The following KDM3B variants were observed in gnomAD, a reference collection of about 807,000 sequenced individuals.
KDM3B encodes the protein lysine-specific demethylase 3B.
KDM3B carries 10 observed loss-of-function variants against 170.0 expected under a neutral mutation model. The observed-to-expected ratio is 0.06, with a 90% CI of 0.04 to 0.10. The LOEUF (loss-of-function observed/expected upper bound fraction) is 0.10, where lower values mean the gene tolerates loss of function less well. KDM3B is among the 10% of genes least tolerant of loss of function. KDM3B has a pLI of 1.00. For synonymous variants in KDM3B, 831 were observed against 834.8 expected (o/e 1.00, Z 0.08); for missense variants, 1,394 against 2,195.2 (o/e 0.64, Z 7.29).
chr5:138,388,060 G>A (rs979679131), intron 7 of KDM3B, among the ~76,000 whole-genome samples: 4 of 151,556 alleles, frequency 2.6e-5, no homozygotes, highest in Admixed American at 1.3e-4. Flanking sequence ...CAGCCTGGGC[G>A]ACAGAGCAAG....
At chr5:138,397,626 TCAGTAGTTCAAGACCAGCCTGGG>T (rs1376004061) in intron 9 of KDM3B, among the ~76,000 whole-genome samples, 10 of 152,148 alleles carry the variant, frequency 6.6e-5, no homozygotes, top group South Asian at 4.2e-4. Context: ...TCTCTTGAGG[TCAGTAGTTCAAGACCAGCCTGGG>T]CAGTAGTTCA....
Position 138,424,058 on chromosome 5 carries a change from G to A in KDM3B, c.3973-17G>A. The A allele has an allele frequency of 6.6e-7, 1 of 1,524,390 alleles. No individual in the cohort carries two copies. The highest frequency in any genetic ancestry group is 8.8e-7 in the Non-Finnish European group (1 of 1,134,778). 94.4% of individuals were successfully genotyped at this position (1,524,390 alleles called of 1,614,324 possible). On this transcript the variant is annotated splice_polypyrimidine_tract_variant and intron_variant, in intron 15 of 23. Coordinates refer to ENST00000314358, the MANE Select transcript of KDM3B (RefSeq NM_016604.4). ...GGTGCCTCAGTCAAGCTTACCTGGT[G>A]GATTTGTGTCTGGCAGGGAGTGAAG...
At chr5:138,423,660 T>C (rs1580952519) in intron 15 of KDM3B, among the ~76,000 whole-genome samples, 1 of 152,190 alleles carries the variant, frequency 6.6e-6, no homozygotes, top group Admixed American at 6.5e-5. Flanking sequence ...AGTTACTTAA[T>C]TGAAGTATTG....
rs767447186 is a variant in KDM3B, at chr5:138,386,025, G to A, written c.784G>A (p.Gly262Ser). The change falls in exon 7 of 24, where the codon GGT becomes AGT. Residue 262 changes from glycine to serine, a missense_variant. Physicochemically the swap from Gly to Ser is moderately conservative, Grantham distance 56. Transcript: ENST00000314358. ...TTTTTTGAATTTTGTTTTGTAGGGG[G>A]GTACGTTAAAAGCAGTAAAATCTTC... ...MDNSAPQSEGGTLKAVKSSKG... is the reference protein window; with the variant it reads ...MDNSAPQSEGSTLKAVKSSKG... 3.1e-6 allele frequency: 5 copies of A among 1,596,614 alleles called. No homozygotes were observed. Among genetic ancestry groups the A allele is most frequent in the East Asian group, 2.2e-5 (1 of 44,684 alleles).
rs144228142 is a variant in KDM3B, at chr5:138,420,941, G to A, written c.3951G>A (p.Pro1317=). The A allele has an allele frequency of 1.2e-5, 20 of 1,613,856 alleles. No homozygotes were observed. The Admixed American group carries it at 1.5e-4, about 12-fold the overall frequency. The stretch of plus-strand genomic sequence containing the variant: ...TGGACACAGGCATACCCTTTCCCCC[G>A]GTCTTCTCTACATCCTCAGCAGTAA... ...TPLDTGIPFP[P]VFSTSSAGVK... is the part of the protein sequence containing the mutation. The change falls in exon 15 of 24, where the codon CCG becomes CCA. Residue 1317 remains proline (P), a synonymous_variant. Coordinates refer to ENST00000314358, the MANE Select transcript of KDM3B (RefSeq NM_016604.4).
At chr5:138,426,371 G>A (rs183624063) in intron 17 of KDM3B, among the ~76,000 whole-genome samples, 253 of 150,642 alleles carry the variant, frequency 1.7e-3, no homozygotes, top group African/African-American at 5.7e-3. Context: ...TAAGGAGATC[G>A]AGACCATCCT....
chr5:138,359,217 A>G (rs1761536235), intron 1 of KDM3B, among the ~76,000 whole-genome samples: 1 of 151,090 alleles, frequency 6.6e-6, no homozygotes, highest in Non-Finnish European at 1.5e-5. Context: ...GCTGGAGTGC[A>G]GTGGTGCGGT....
rs1762269509 is a variant in KDM3B, at chr5:138,386,582, A to G, written c.1341A>G (p.Pro447=). ...CTGGCCTTGCAGCAGGGACTGTGCC[A>G]GAAAAACAGAAAGGCAGCCGGTCGC... ...SDTGLAAGTV[P]EKQKGSRSQA... is the part of the protein sequence containing the mutation. Residue 447 remains proline (P), a synonymous_variant, in exon 7 of 24, where the codon CCA becomes CCG. Coordinates refer to ENST00000314358, the MANE Select transcript of KDM3B (RefSeq NM_016604.4). The G allele has an allele frequency of 6.2e-7, 1 of 1,613,328 alleles. No homozygotes were observed. Among genetic ancestry groups the G allele is most frequent in the Non-Finnish European group, 8.5e-7 (1 of 1,179,354 alleles).
intron 9 of KDM3B, among the ~76,000 whole-genome samples, chr5:138,397,231 A>C (rs998790445): frequency 3.3e-5 from 5 of 152,112 alleles, no homozygotes; most frequent in African/African-American, 1.2e-4. Context: ...GCTACTGGGG[A>C]GGCTGAGGCG....
At position 138,364,334 on chromosome 5, in the gene KDM3B, A is replaced by G. The variant is rs75413962; in HGVS notation, c.193-8340A>G. ...GTGTTGCTTTTATAACGCAAAAGAT[A>G]ATAATAAATGCTGTGCAAGGAATTT... On this transcript the variant is annotated intron_variant, in intron 1 of 23. Transcript: ENST00000314358. Among the ~76,000 whole-genome samples, 268 of 150,754 alleles carry G rather than the reference A, an allele frequency of 1.8e-3. 2 individuals carry two copies. The highest frequency in any genetic ancestry group is 6.2e-3 in the African/African-American group (254 of 41,020).
chr5:138,370,306 G>T (rs952721666), intron 1 of KDM3B, among the ~76,000 whole-genome samples: 1 of 152,170 alleles, frequency 6.6e-6, no homozygotes, highest in African/African-American at 2.4e-5. Context: ...AATAGAGCTA[G>T]AACTTTATAA....
chr5:138,389,947 C>T (rs1762386943), intron 7 of KDM3B, among the ~76,000 whole-genome samples: 1 of 152,086 alleles, frequency 6.6e-6, no homozygotes. Context: ...GCAACCTCCG[C>T]CTCCTGGGTT....
At chr5:138,364,833 A>G (rs1274006841) in intron 1 of KDM3B, among the ~76,000 whole-genome samples, 4 of 152,252 alleles carry the variant, frequency 2.6e-5, no homozygotes, top group Non-Finnish European at 5.9e-5. Context: ...ATCCATATCT[A>G]TCATTCTGCA....
At chr5:138,390,438 C>A (rs1321965904) in intron 7 of KDM3B, among the ~76,000 whole-genome samples, 1 of 152,042 alleles carries the variant, frequency 6.6e-6, no homozygotes, top group Non-Finnish European at 1.5e-5. Flanking sequence ...TAAATAGATG[C>A]CGAAATCCAA....
intron 1 of KDM3B, among the ~76,000 whole-genome samples, chr5:138,370,933 T>C (rs755305801): frequency 1.1e-4 from 17 of 152,150 alleles, no homozygotes; most frequent in Admixed American, 7.9e-4. Flanking sequence ...CTCAGCCTCC[T>C]GAGTAGCTGG....
chr5:138,377,822 C>A lies in KDM3B; in HGVS notation c.577C>A (p.Arg193=). 2 of 1,608,962 alleles carry A rather than the reference C, an allele frequency of 1.2e-6. No homozygotes were observed. The highest frequency in any genetic ancestry group is 1.1e-5 in the South Asian group (1 of 90,948). The change falls in exon 4 of 24, where the codon CGA becomes AGA. Residue 193 remains arginine, a synonymous_variant. Coordinates refer to ENST00000314358, the MANE Select transcript of KDM3B (RefSeq NM_016604.4). The part of the protein sequence containing the change: ...SDQKLQEIFS[R]GPYSVQGHRV... ...CCAAAAGCTACAAGAGATATTCAGC[C>A]GAGGTAAGAACGGATAGTCTTCTGT...
chr5:138,412,676 C>T (rs1763003498), intron 11 of KDM3B, among the ~76,000 whole-genome samples: 1 of 151,884 alleles, frequency 6.6e-6, no homozygotes, highest in Admixed American at 6.6e-5. Context: ...AAATGAAAAG[C>T]TGCTGTGCAC....
chr5:138,386,450 C>A lies in KDM3B; in HGVS notation c.1209C>A (p.Asn403Lys). 6.2e-7 allele frequency: 1 copy of A among 1,614,118 alleles called. No individual in the cohort carries two copies. The highest frequency in any genetic ancestry group is 8.5e-7 in the Non-Finnish European group (1 of 1,180,028). ...PLAPEVGGAENKEAGKTLEQV... is the reference protein window; with the variant it reads ...PLAPEVGGAEKKEAGKTLEQV... ...CCCCAGAGGTGGGTGGAGCCGAAAA[C>A]AAAGAGGCAGGAAAAACACTGGAAC... The change falls in exon 7 of 24, where the codon AAC becomes AAA. Residue 403 changes from asparagine (N) to lysine (K), a missense_variant. This residue lies in a region of KDM3B where 205 missense variants were observed against 227.6 expected (regional missense o/e 0.90). Coordinates refer to ENST00000314358, the MANE Select transcript of KDM3B (RefSeq NM_016604.4).
chr5:138,388,059 C>T (rs966670494), intron 7 of KDM3B, among the ~76,000 whole-genome samples: 3 of 151,782 alleles, frequency 2.0e-5, no homozygotes, highest in Admixed American at 6.6e-5. Flanking sequence ...CCAGCCTGGG[C>T]GACAGAGCAA....
Sources: allele counts gnomAD v4.1 joint callset (sites outside exome capture counted in the v4.1 genomes callset), GRCh38; gene constraint gnomAD v4.1.1; regional missense constraint gnomAD v4.1.1; transcripts MANE v1.5; gene names NCBI Gene and HGNC (gene_info 2026-07-23, HGNC 2026-07-21).